DNAH8: variants seen among roughly 807,000 people sequenced by gnomAD.
DNAH8 encodes axonemal beta dynein heavy chain 8.
Under a neutral mutation model 562.1 loss-of-function variants are expected in DNAH8, and 382 were observed. The ratio of observed to expected loss-of-function variants is 0.68; its 90% CI spans 0.63 to 0.74. The LOEUF is 0.74. Among genes scored for constraint, DNAH8 ranks in the 30% least tolerant of loss-of-function variants. DNAH8 has a pLI of 0.00. For synonymous variants in DNAH8, 1,881 were observed against 1,919.4 expected (o/e 0.98, Z 0.52); for missense variants, 5,203 against 5,620.4 (o/e 0.93, Z 2.37).
chr6:38,872,251 T>A (rs1379706873), intron 49 of DNAH8, among the ~76,000 whole-genome samples: 2 of 152,146 alleles, frequency 1.3e-5, no homozygotes, highest in African/African-American at 4.8e-5. Flanking sequence ...CAAGCCAAAA[T>A]CACAGGGAAT....
In DNAH8 at chr6:38,815,606, A is replaced by G; in HGVS notation, c.3472A>G (p.Thr1158Ala). ...CAAGTCTGTCATTCCCAGCCCCACC[A>G]CTACTGACGTGACCCATCAAAACAC... ...PIKSVIPSPT[T>A]TDVTHQNTGK... The change falls in exon 26 of 93, where the codon ACT (threonine) becomes GCT (alanine). Residue 1158 changes from threonine to alanine, a missense_variant. This residue lies in a region of DNAH8 where 2,176 missense variants were observed against 2,365.1 expected (regional missense o/e 0.92). Transcript: ENST00000327475. 1 of 1,613,984 alleles carries G rather than the reference A, an allele frequency of 6.2e-7. No homozygotes were observed.
At chr6:38,903,705 C>T (rs571691859) in intron 62 of DNAH8, among the ~76,000 whole-genome samples, 7 of 151,216 alleles carry the variant, frequency 4.6e-5, no homozygotes, top group South Asian at 2.1e-4. Flanking sequence ...CTCCACCTCC[C>T]GGGTTCAAGC....
chr6:38,818,721 G>A (rs1248671476), intron 26 of DNAH8, among the ~76,000 whole-genome samples: 1 of 152,168 alleles, frequency 6.6e-6, no homozygotes, highest in African/African-American at 2.4e-5. Flanking sequence ...AACAAATGCT[G>A]GATGCCGTTA....
rs1475725043 is a variant in DNAH8, at chr6:39,012,870, T to A, written c.13714+233T>A. 2.7e-5 allele frequency among the ~76,000 whole-genome samples: 4 copies of A among 150,866 alleles called. No homozygotes were observed. In the Admixed American group the frequency reaches 2.7e-4, roughly 10 times the overall value. On this transcript the variant is annotated intron_variant, in intron 91 of 92. Coordinates refer to ENST00000327475, the MANE Select transcript of DNAH8 (RefSeq NM_001206927.2). ...AATGTGGTAGCAAAATCCTTCCTTT[T>A]TCTTTTCACCAACTTCAGCAAACCA... is the stretch of plus-strand genomic sequence containing the variant.
At chr6:38,790,717 G>A (rs1427371724) in intron 20 of DNAH8, among the ~76,000 whole-genome samples, 1 of 151,896 alleles carries the variant, frequency 6.6e-6, no homozygotes, top group Non-Finnish European at 1.5e-5. Flanking sequence ...CAGCTACTCG[G>A]GAGTCTGAGG....
chr6:38,809,514 G>A (rs1427644225), intron 24 of DNAH8, among the ~76,000 whole-genome samples: 4 of 152,108 alleles, frequency 2.6e-5, no homozygotes, highest in African/African-American at 9.7e-5. Flanking sequence ...GAGGTCAGGT[G>A]GGGGAGTTAT....
At chr6:38,874,072 C>CTT (rs1561797428) in intron 52 of DNAH8, among the ~76,000 whole-genome samples, 2 of 47,248 alleles carry the variant, frequency 4.2e-5, no homozygotes, top group Non-Finnish European at 1.0e-4. Context: ...CTTTCTTTTT[C>CTT]TTTCTTTCTT....
chr6:38,717,959 C>T (rs891380517), intron 1 of DNAH8, among the ~76,000 whole-genome samples: 5 of 152,100 alleles, frequency 3.3e-5, no homozygotes, highest in African/African-American at 9.7e-5. Flanking sequence ...CACATATACA[C>T]ACTTTAAAAA....
In DNAH8 at chr6:38,778,371, T is replaced by A. The variant is rs543682150; in HGVS notation, c.1963-17T>A. The stretch of plus-strand genomic sequence containing the variant: ...TTTAACACCAAAAATCATTTAAATA[T>A]TAATATTTTATTTTAGGTACAAATA... On this transcript the variant is annotated splice_polypyrimidine_tract_variant and intron_variant, in intron 13 of 92. Transcript: ENST00000327475. The A allele has an allele frequency of 2.5e-5, 34 of 1,341,206 alleles. No homozygotes were observed. The African/African-American group carries it at 4.4e-4, about 17-fold the overall frequency. 83.1% of individuals were successfully genotyped at this position (1,341,206 alleles called of 1,614,324 possible). A position where few individuals can be genotyped will look rare whatever the true frequency, so the allele number is the denominator to read the frequency against.
In DNAH8 at chr6:38,848,753, T is replaced by A; in HGVS notation, c.5151T>A (p.Tyr1717Ter). ...TCGTAGTACAGAACCTTTGGGTTTA[T>A]CTTGAAGCCGTCTTTGTAGGTGGAG... is the stretch of plus-strand genomic sequence containing the variant. ...EWLVVQNLWVYLEAVFVGGDI... is the reference protein window; with the variant it reads ...EWLVVQNLWV The change falls in exon 37 of 93, where the codon TAT becomes TAA. Residue 1717 changes from tyrosine (Y) to a stop codon, truncating the protein, a stop_gained. Coordinates refer to ENST00000327475, the MANE Select transcript of DNAH8 (RefSeq NM_001206927.2). LOFTEE classifies it high-confidence loss of function. 1.2e-6 allele frequency: 2 copies of A among 1,613,634 alleles called. No homozygotes were observed. The highest frequency in any genetic ancestry group is 1.7e-6 in the Non-Finnish European group (2 of 1,179,642).
intron 85 of DNAH8, among the ~76,000 whole-genome samples, chr6:38,979,712 C>T (rs1763905926): frequency 6.6e-6 from 1 of 152,144 alleles, no homozygotes; most frequent in Admixed American, 6.5e-5. Flanking sequence ...TCAAAACTCA[C>T]ATTTTAAAGA....
intron 85 of DNAH8, among the ~76,000 whole-genome samples, chr6:38,975,683 G>A (rs1763620674): frequency 6.6e-6 from 1 of 152,100 alleles, no homozygotes; most frequent in South Asian, 2.1e-4. Context: ...TGTGGCCTTT[G>A]GATTGTCAAT....
At chr6:38,796,656 C>G (rs906581330) in intron 21 of DNAH8, among the ~76,000 whole-genome samples, 1 of 152,158 alleles carries the variant, frequency 6.6e-6, no homozygotes, top group Admixed American at 6.5e-5. Context: ...TGTTCTGTTT[C>G]GTTCTGATTA....
chr6:38,929,476 T>C, intron 74 of DNAH8, 35 bp from the exon 75 acceptor site: 2 of 1,564,618 alleles, frequency 1.3e-6, no homozygotes, highest in Non-Finnish European at 1.7e-6. Flanking sequence ...ACATTCTTTG[T>C]AACACAGATA....
At chr6:38,867,614 G>A (rs862426) in intron 47 of DNAH8, among the ~76,000 whole-genome samples, 9,785 of 151,106 alleles carry the variant, frequency 0.065, 986 homozygotes, top group African/African-American at 0.22. Flanking sequence ...TTAGCCAGGC[G>A]TGGTGGCACG....
chr6:38,909,579 T>C lies in DNAH8; in HGVS notation c.9575T>C (p.Met3192Thr), dbSNP rs1382831334. Reference protein sequence around the residue: ...KFPGLISGCTMDWFSRWPREA... With the variant: ...KFPGLISGCTTDWFSRWPREA... ...CCTGGCTTGATATCAGGTTGCACTA[T>C]GGACTGGTTCAGCCGCTGGCCAAGG... The change falls in exon 65 of 93, where the codon ATG becomes ACG. Residue 3192 changes from methionine to threonine, a missense_variant. By Grantham distance (81) the Met-to-Thr change is moderately conservative. Transcript: ENST00000327475. The C allele has an allele frequency of 1.2e-6, 2 of 1,614,076 alleles. No individual in the cohort carries two copies. Among genetic ancestry groups the C allele is most frequent in the East Asian group, 2.2e-5 (1 of 44,896 alleles).
At chr6:38,750,410 C>A in intron 8 of DNAH8, 66 bp from the exon 9 acceptor site, 2 of 1,008,374 alleles carry the variant, frequency 2.0e-6, no homozygotes, top group East Asian at 2.6e-5. Flanking sequence ...CTGAATTTCC[C>A]GAGTAAACTT....
intron 82 of DNAH8, among the ~76,000 whole-genome samples, chr6:38,970,269 GC>G (rs2150686473): frequency 6.6e-6 from 1 of 152,214 alleles, no homozygotes; most frequent in Admixed American, 6.5e-5. Context: ...AATAAGTGGG[GC>G]TCGATATCTA....
intron 82 of DNAH8, among the ~76,000 whole-genome samples, chr6:38,955,334 A>G (rs968039400): frequency 2.3e-4 from 35 of 152,090 alleles, no homozygotes; most frequent in African/African-American, 8.0e-4. Context: ...GTAACTGCAT[A>G]AAAGAAAGAA....
Sources: gnomAD v4.1 joint callset for allele counts (sites outside exome capture counted in the v4.1 genomes callset) on GRCh38, gnomAD v4.1.1 for gene constraint, gnomAD v4.1.1 regional missense constraint, MANE v1.5 for transcripts, NCBI Gene and HGNC (gene_info 2026-07-23, HGNC 2026-07-21) for gene names.